IRAG1: variants seen among roughly 807,000 people sequenced by gnomAD.
IRAG1 encodes IP3R-associated cGMP kinase substrate.
In IRAG1, 62 loss-of-function variants were observed where a neutral mutation model predicts 106.2. That is an observed-to-expected ratio of 0.58 (90% CI 0.48 to 0.72). The LOEUF is 0.72. IRAG1 is among the 30% of genes least tolerant of loss of function. IRAG1 has a pLI of 0.00. For synonymous variants in IRAG1, 462 were observed against 443.9 expected, an observed-to-expected ratio of 1.04 and a Z score of -0.51; for missense variants, 1,064 against 1,140.7, an observed-to-expected ratio of 0.93 and a Z score of 0.97.
chr11:10,580,809 A>G (rs1407073643), intron 19 of IRAG1, among the ~76,000 whole-genome samples: 1 of 152,192 alleles, frequency 6.6e-6, no homozygotes, highest in Non-Finnish European at 1.5e-5. Flanking sequence ...GTTTATGTGA[A>G]AGTGTGACAA....
chr11:10,690,550 G>C (rs1047509834), intron 1 of IRAG1, among the ~76,000 whole-genome samples: 1 of 152,152 alleles, frequency 6.6e-6, no homozygotes, highest in African/African-American at 2.4e-5. Context: ...CCTGAACTCA[G>C]AGTCTAGCCT....
intron 1 of IRAG1, chr11:10,690,277 C>A (rs1274250479): frequency 9.6e-6 from 6 of 626,850 alleles, no homozygotes; most frequent in Non-Finnish European, 1.4e-5. Context: ...GTAATCCCAG[C>A]TACTTGGGAG....
rs1850685706 is a variant in IRAG1, at chr11:10,573,525, CATG to C, written c.*2804_*2806del. On this transcript the variant is annotated 3_prime_UTR_variant, in exon 21 of 21. Transcript: ENST00000423302. Reference sequence around the variant, plus strand: ...CTTTGCTTTCCAGAAAAGATGGACTCATGAGCACTTTTTCAGCCCCTGTATATA... The same window carrying C: ...CTTTGCTTTCCAGAAAAGATGGACTCAGCACTTTTTCAGCCCCTGTATATA... 6.6e-6 allele frequency: 1 copy of C among 152,288 alleles called. No homozygotes were observed. The highest frequency in any genetic ancestry group is 1.5e-5 in the Non-Finnish European group (1 of 68,112). The allele number at this position is 152,288 out of a possible 1,614,324, so 9.4% of individuals were successfully genotyped here.
intron 10 of IRAG1, among the ~76,000 whole-genome samples, chr11:10,623,395 G>A (rs1855986782): frequency 6.6e-6 from 1 of 152,230 alleles, no homozygotes; most frequent in African/African-American, 2.4e-5. Context: ...GGGCAGGGCT[G>A]GGGTATGGAC....
intron 18 of IRAG1, among the ~76,000 whole-genome samples, chr11:10,582,998 T>C (rs1309316135): frequency 6.6e-6 from 1 of 152,156 alleles, no homozygotes; most frequent in Admixed American, 6.5e-5. Flanking sequence ...GCGGGTTATG[T>C]AAAGACTCTG....
intron 15 of IRAG1, chr11:10,595,817 A>T (rs994748039): frequency 6.6e-6 from 1 of 152,056 alleles, no homozygotes; most frequent in African/African-American, 2.4e-5. Flanking sequence ...AGTAGACAGC[A>T]TTGATTTTTT....
chr11:10,689,640 T>A (rs1589987996), intron 1 of IRAG1, among the ~76,000 whole-genome samples: 1 of 152,084 alleles, frequency 6.6e-6, no homozygotes, highest in Non-Finnish European at 1.5e-5. Context: ...AGAGGAACAG[T>A]GATTAAATTG....
intron 1 of IRAG1, among the ~76,000 whole-genome samples, chr11:10,684,923 A>G (rs1861554871): frequency 6.6e-6 from 1 of 152,168 alleles, no homozygotes. Flanking sequence ...GCATTTTTCT[A>G]CAGCAAAGAG....
chr11:10,624,781 G>A (rs976491070), intron 9 of IRAG1, among the ~76,000 whole-genome samples: 4 of 152,272 alleles, frequency 2.6e-5, no homozygotes, highest in African/African-American at 9.6e-5. Flanking sequence ...CAGGGTAGTG[G>A]TTAGTGACAT....
chr11:10,625,566 C>T (rs189288823), intron 9 of IRAG1, among the ~76,000 whole-genome samples: 3 of 152,068 alleles, frequency 2.0e-5, no homozygotes, highest in Non-Finnish European at 4.4e-5. Flanking sequence ...CACTATTTCA[C>T]CCTTGCTAGC....
rs1189270099 is a variant in IRAG1, at chr11:10,630,005, C to A, written c.401-294G>T. ...AAGGGAAGGCCACCCAGGAGCCTTA[C>A]CTCCGGCACCATCTGCGCCCCCAGT... is the stretch of plus-strand genomic sequence containing the variant. On this transcript the variant is annotated intron_variant, in intron 4 of 20. Coordinates refer to ENST00000423302, the MANE Select transcript of IRAG1 (RefSeq NM_130385.4). The A allele has an allele frequency of 1.7e-5, 6 of 352,782 alleles. No homozygotes were observed. In the East Asian group the frequency reaches 3.1e-4, roughly 18 times the overall value. 21.9% of individuals were successfully genotyped at this position (352,782 alleles called of 1,614,324 possible). A position where few individuals can be genotyped will look rare whatever the true frequency, so the allele number is the denominator to read the frequency against.
At chr11:10,639,911 G>A (rs1857400000) in intron 2 of IRAG1, among the ~76,000 whole-genome samples, 2 of 152,114 alleles carry the variant, frequency 1.3e-5, no homozygotes, top group South Asian at 4.2e-4. Context: ...CCACATTATT[G>A]GACCTTATTC....
chr11:10,668,773 A>G (rs1445883457), intron 1 of IRAG1, among the ~76,000 whole-genome samples: 1 of 152,186 alleles, frequency 6.6e-6, no homozygotes. Flanking sequence ...TTGTATCTCT[A>G]ACATTTGGTA....
intron 20 of IRAG1, among the ~76,000 whole-genome samples, chr11:10,577,656 G>C (rs1850963028): frequency 1.3e-5 from 2 of 152,202 alleles, no homozygotes; most frequent in African/African-American, 4.8e-5. Flanking sequence ...GCCATTGGCT[G>C]AGAAGCGGAG....
chr11:10,680,393 G>GAAAGA (rs148524669), intron 1 of IRAG1, among the ~76,000 whole-genome samples: 3 of 59,820 alleles, frequency 5.0e-5, no homozygotes, highest in African/African-American at 3.7e-4. Flanking sequence ...AGGAAGGAAG[G>GAAAGA]AAGGAAGGAA....
chr11:10,596,489 T>C (rs1345635976), intron 15 of IRAG1, among the ~76,000 whole-genome samples: 1 of 152,246 alleles, frequency 6.6e-6, no homozygotes, highest in Non-Finnish European at 1.5e-5. Context: ...TGTGTTTTTA[T>C]TTTTCCTGCT....
At chr11:10,652,415 T>A in intron 1 of IRAG1, 1 of 1,097,014 alleles carries the variant, frequency 9.1e-7, no homozygotes, top group Non-Finnish European at 1.2e-6. Flanking sequence ...GTCTTTACAG[T>A]AAACACAGCT....
intron 2 of IRAG1, 67 bp downstream of exon 2, chr11:10,651,958 G>T: frequency 6.8e-7 from 1 of 1,470,848 alleles, no homozygotes. Flanking sequence ...AAAAGCTGTG[G>T]CCTCAGCCCA....
chr11:10,653,766 C>T (rs561456671), intron 1 of IRAG1, among the ~76,000 whole-genome samples: 14 of 152,312 alleles, frequency 9.2e-5, no homozygotes, highest in Non-Finnish European at 2.1e-4. Context: ...GCACGGGGGT[C>T]TGCAGCCCAG....
Sources: gnomAD v4.1 joint callset for allele counts (sites outside exome capture counted in the v4.1 genomes callset) on GRCh38, gnomAD v4.1.1 for gene constraint, MANE v1.5 for transcripts, NCBI Gene and HGNC (gene_info 2026-07-23, HGNC 2026-07-21) for gene names.